XKR6: variants seen among roughly 807,000 people sequenced by gnomAD.
XKR6 encodes the protein XK related 6.
A neutral mutation model predicts 56.7 loss-of-function variants in XKR6; 22 were observed. That is an observed-to-expected ratio of 0.39 (90% CI 0.28 to 0.55). The LOEUF is 0.55. XKR6 is among the 20% of genes least tolerant of loss of function. The pLI, the probability that XKR6 is intolerant of heterozygous loss-of-function variation, is 0.66. For synonymous variants in XKR6, 524 were observed against 387.8 expected (o/e 1.35, Z -4.13); for missense variants, 852 against 889.0 (o/e 0.96, Z 0.53).
At chr8:10,910,091 G>A (rs549237648) in intron 2 of XKR6, among the ~76,000 whole-genome samples, 96 of 152,116 alleles carry the variant, frequency 6.3e-4, no homozygotes, top group African/African-American at 2.1e-3. Context: ...GACATTTGTC[G>A]ACATCTGGAG....
At chr8:10,926,539 G>C (rs558269723) in intron 1 of XKR6, among the ~76,000 whole-genome samples, 2 of 152,252 alleles carry the variant, frequency 1.3e-5, no homozygotes, top group Non-Finnish European at 2.9e-5. Flanking sequence ...CTGACAACCA[G>C]AGTGAGGCTG....
At chr8:11,181,486 A>T (rs536813786) in intron 1 of XKR6, among the ~76,000 whole-genome samples, 3 of 152,368 alleles carry the variant, frequency 2.0e-5, no homozygotes, top group East Asian at 1.9e-4. Context: ...CCACTCAACA[A>T]TGAGAACAAT....
chr8:11,121,109 C>G (rs571172902), intron 1 of XKR6, among the ~76,000 whole-genome samples: 25 of 152,248 alleles, frequency 1.6e-4, no homozygotes, highest in African/African-American at 6.0e-4. Context: ...GGCAATACCA[C>G]TCAGGACATA....
chr8:11,017,207 G>C (rs552206669), intron 1 of XKR6, among the ~76,000 whole-genome samples: 1 of 152,318 alleles, frequency 6.6e-6, no homozygotes. Context: ...CGTATAGATA[G>C]GCCACAGATA....
chr8:10,989,575 GTT>G (rs2129139953), intron 1 of XKR6, among the ~76,000 whole-genome samples: 1 of 152,058 alleles, frequency 6.6e-6, no homozygotes, highest in South Asian at 2.1e-4. Flanking sequence ...TTAAATCTGG[GTT>G]TCAACTGATG....
chr8:11,131,343 C>A (rs1041089827), intron 1 of XKR6, among the ~76,000 whole-genome samples: 8 of 151,922 alleles, frequency 5.3e-5, no homozygotes, highest in Non-Finnish European at 8.8e-5. Context: ...AATTTAGGAA[C>A]TGAAATTTAC....
intron 1 of XKR6, among the ~76,000 whole-genome samples, chr8:11,014,319 A>G (rs1332923489): frequency 6.6e-6 from 1 of 152,180 alleles, no homozygotes; most frequent in East Asian, 1.9e-4. Context: ...TTTAAAAATG[A>G]CCAGATTTTC....
intron 1 of XKR6, among the ~76,000 whole-genome samples, chr8:11,186,264 G>C (rs1450178706): frequency 1.3e-5 from 2 of 152,120 alleles, no homozygotes; most frequent in African/African-American, 4.8e-5. Context: ...CCAAAATGCA[G>C]TCTACCTCTC....
intron 1 of XKR6, among the ~76,000 whole-genome samples, chr8:10,940,621 G>A (rs997919133): frequency 4.7e-4 from 71 of 152,136 alleles, no homozygotes; most frequent in African/African-American, 1.7e-3. Flanking sequence ...TCAAAGCCAC[G>A]CAACACAGGT....
At chr8:11,048,810 C>A (rs1490654765) in intron 1 of XKR6, among the ~76,000 whole-genome samples, 1 of 152,208 alleles carries the variant, frequency 6.6e-6, no homozygotes, top group African/African-American at 2.4e-5. Context: ...TGGTTCTGGG[C>A]CAGGCCTACA....
chr8:11,050,333 C>A (rs760342845), intron 1 of XKR6, among the ~76,000 whole-genome samples: 3 of 151,480 alleles, frequency 2.0e-5, no homozygotes, highest in Non-Finnish European at 4.4e-5. Context: ...CTGGTTGGAG[C>A]GAGTCACTTC....
Position 10,924,736 on chromosome 8 carries a change from C to T in XKR6, c.859G>A (p.Val287Ile), listed in dbSNP as rs1373172066. 4 of 1,613,838 alleles carry T rather than the reference C, an allele frequency of 2.5e-6. No homozygotes were observed. The highest frequency in any genetic ancestry group is 3.4e-6 in the Non-Finnish European group (4 of 1,180,006). The change falls in exon 2 of 3, where the codon GTC becomes ATC. Residue 287 changes from valine to isoleucine, a missense_variant. By Grantham distance (29) the Val-to-Ile change is conservative. Around this residue, in one of 4 missense-constraint regions of XKR6, gnomAD observed 199 missense variants for 280.4 expected, o/e 0.71. Transcript: ENST00000416569. ...GTCTCCAGGAGGCGCAGCATGTTGA[C>T]GTCTGCATATTCATACATCATAGCC... is the stretch of plus-strand genomic sequence containing the variant. ...YWAMMYEYAD[V>I]NMLRLLETFL...
At chr8:10,911,423 A>G (rs981298728) in intron 2 of XKR6, among the ~76,000 whole-genome samples, 7 of 148,900 alleles carry the variant, frequency 4.7e-5, no homozygotes, top group African/African-American at 1.7e-4. Context: ...TTGTATAAAA[A>G]TATGTATATA....
intron 1 of XKR6, among the ~76,000 whole-genome samples, chr8:11,090,659 T>C (rs148752466): frequency 9.2e-5 from 14 of 152,356 alleles, no homozygotes; most frequent in African/African-American, 3.4e-4. Context: ...TCTTTTTATA[T>C]ACACCGATCT....
At chr8:11,016,906 G>A (rs1288542904) in intron 1 of XKR6, among the ~76,000 whole-genome samples, 1 of 152,230 alleles carries the variant, frequency 6.6e-6, no homozygotes, top group Non-Finnish European at 1.5e-5. Context: ...TCTTCAGCGA[G>A]CAAGTCACCT....
chr8:11,052,113 G>C (rs944399917), intron 1 of XKR6, among the ~76,000 whole-genome samples: 3 of 151,804 alleles, frequency 2.0e-5, no homozygotes, highest in African/African-American at 7.3e-5. Context: ...CACCCCCTCT[G>C]CTCCAACCAA....
chr8:10,900,986 G>A (rs12542037), intron 2 of XKR6, among the ~76,000 whole-genome samples: 60,942 of 150,292 alleles, frequency 0.41, 14,892 homozygotes, highest in East Asian at 0.87. Context: ...ACATGGGACC[G>A]CAGGCATGCT....
At chr8:10,997,356 A>G (rs886806713) in intron 1 of XKR6, among the ~76,000 whole-genome samples, 1 of 152,172 alleles carries the variant, frequency 6.6e-6, no homozygotes, top group African/African-American at 2.4e-5. Flanking sequence ...TTTCCATTGT[A>G]CAGATTGGGG....
chr8:10,993,020 G>A (rs1241112863), intron 1 of XKR6, among the ~76,000 whole-genome samples: 1 of 152,174 alleles, frequency 6.6e-6, no homozygotes, highest in Non-Finnish European at 1.5e-5. Flanking sequence ...CAAACAACAC[G>A]GAGAAAGAGA....
Sources: allele counts gnomAD v4.1 joint callset (sites outside exome capture counted in the v4.1 genomes callset), GRCh38; gene constraint gnomAD v4.1.1; regional missense constraint gnomAD v4.1.1; transcripts MANE v1.5; gene names NCBI Gene and HGNC (gene_info 2026-07-23, HGNC 2026-07-21).